Variants in CCNA1 observed in about 807,000 individuals in gnomAD.
CCNA1 encodes the protein cyclin-A1.
Under a neutral mutation model 54.1 loss-of-function variants are expected in CCNA1, and 23 were observed. The ratio of observed to expected loss-of-function variants is 0.42; its 90% CI spans 0.31 to 0.60. The LOEUF (loss-of-function observed/expected upper bound fraction) is 0.60. Ranked by LOEUF, CCNA1 falls within the 20% of genes least tolerant of loss-of-function variation. The pLI is 0.14. For missense variants in CCNA1, 450 were observed against 556.7 expected, an observed-to-expected ratio of 0.81 and a Z score of 1.93; for synonymous variants, 208 against 213.9, an observed-to-expected ratio of 0.97 and a Z score of 0.24.
intron 5 of CCNA1, 54 bp from the exon 6 acceptor site, chr13:36,439,916 TGGTAGCACA>T (rs2055854240): frequency 9.0e-7 from 1 of 1,114,644 alleles, no homozygotes; most frequent in Non-Finnish European, 1.3e-6. Flanking sequence ...GCGTGGCTTA[TGGTAGCACA>T]GGAGTAGAGC....
At chr13:36,439,885 CT>C (rs2055853784) in intron 5 of CCNA1, 93 bp from the exon 6 acceptor site, 1 of 741,434 alleles carries the variant, frequency 1.3e-6, no homozygotes. Flanking sequence ...CAAAGTAAGT[CT>C]GCAAGGGCCA....
chr13:36,433,746 G>A (rs570627562), intron 2 of CCNA1, among the ~76,000 whole-genome samples: 1 of 151,932 alleles, frequency 6.6e-6, no homozygotes, highest in Admixed American at 6.6e-5. Flanking sequence ...TCACCATGTT[G>A]GCCAGGCTGG....
chr13:36,431,815 C>G (rs2055710476), upstream of CCNA1: 1 of 152,666 alleles, frequency 6.6e-6, no homozygotes, highest in Admixed American at 6.5e-5. Flanking sequence ...GCCCTCGGGC[C>G]AGCGTGGGCA....
intron 2 of CCNA1, among the ~76,000 whole-genome samples, chr13:36,436,052 T>C (rs868559100): frequency 6.6e-6 from 1 of 152,346 alleles, no homozygotes; most frequent in Middle Eastern, 3.4e-3. Context: ...ATTACTTCCC[T>C]GGTTCAAATC....
chr13:36,434,800 G>A (rs2055779618), intron 2 of CCNA1, among the ~76,000 whole-genome samples: 1 of 148,716 alleles, frequency 6.7e-6, no homozygotes, highest in Non-Finnish European at 1.5e-5. Context: ...TTATGTGACT[G>A]CTATGTCCCT....
At chr13:36,440,403 C>T (rs981172524) in intron 6 of CCNA1, among the ~76,000 whole-genome samples, 1 of 152,076 alleles carries the variant, frequency 6.6e-6, no homozygotes, top group Admixed American at 6.6e-5. Flanking sequence ...GTCTAATCAC[C>T]CAACTATTTA....
At chr13:36,438,033 A>G (rs753405934) in intron 3 of CCNA1, 34 bp from the exon 4 acceptor site, 3 of 1,604,524 alleles carry the variant, frequency 1.9e-6, no homozygotes, top group African/African-American at 2.7e-5. Flanking sequence ...TGTTTAAATT[A>G]AATGAGTTAT....
upstream of CCNA1, chr13:36,432,434 TG>T (rs1366316083): frequency 2.8e-5 from 2 of 71,346 alleles, no homozygotes; most frequent in African/African-American, 2.2e-4. Context: ...TGCCCAACCC[TG>T]CCCCGCCCTG....
intron 2 of CCNA1, among the ~76,000 whole-genome samples, 154 bp downstream of exon 2, chr13:36,433,375 T>C (rs2055744713): frequency 1.4e-4 from 2 of 14,672 alleles, no homozygotes; most frequent in African/African-American, 8.2e-4. Flanking sequence ...ATTTATTTTC[T>C]TTCTTTCTTT....
intron 2 of CCNA1, 33 bp from the exon 3 acceptor site, chr13:36,437,596 T>C: frequency 1.2e-6 from 2 of 1,606,870 alleles, no homozygotes; most frequent in Non-Finnish European, 1.7e-6. Flanking sequence ...GTCTTTGACG[T>C]GGCCTCTAAC....
At chr13:36,438,576 G>T in intron 4 of CCNA1, 68 bp from the exon 5 acceptor site, 1 of 1,074,520 alleles carries the variant, frequency 9.3e-7, no homozygotes, top group South Asian at 1.4e-5. Flanking sequence ...TTTTTAAATA[G>T]CAACTATATT....
chr13:36,439,566 C>G lies in CCNA1; in HGVS notation c.894-413C>G, dbSNP rs1370004640. ...TAATTCAGTGGACAAAGTTGAACAG[C>G]ATCTTTTTAAAAACTAGAGGCCTGT... On this transcript the variant is annotated intron_variant, in intron 5 of 8. Transcript: ENST00000255465. Among the ~76,000 whole-genome samples the G allele has an allele frequency of 3.9e-5, 6 of 152,190 alleles. No homozygotes were observed. The East Asian group carries it at 1.2e-3, about 29-fold the overall frequency.
At chr13:36,434,443 A>G (rs1336387309) in intron 2 of CCNA1, among the ~76,000 whole-genome samples, 1 of 152,164 alleles carries the variant, frequency 6.6e-6, no homozygotes, top group Non-Finnish European at 1.5e-5. Flanking sequence ...GGTTTTAACA[A>G]ATTTTAATTT....
chr13:36,441,201 G>A lies in CCNA1; in HGVS notation c.1182G>A (p.Leu394=), dbSNP rs1227610617. 2 of 1,611,070 alleles carry A rather than the reference G, an allele frequency of 1.2e-6. No individual in the cohort carries two copies. Among genetic ancestry groups the A allele is most frequent in the South Asian group, 2.2e-5 (2 of 90,924 alleles). ...TGATAGCTGCAGCAGCTTTTTGCCT[G>A]GCAAACTATACTGTGAACAAGCACT... The change falls in exon 7 of 9, where the codon CTG becomes CTA. Residue 394 remains leucine, a synonymous_variant. Coordinates refer to ENST00000255465, the MANE Select transcript of CCNA1 (RefSeq NM_003914.4).
chr13:36,442,197 G>A lies in CCNA1; in HGVS notation c.1239G>A (p.Gly413=). Reference sequence around the variant, plus strand: ...CAGAAACCCTTGCTGCATTTACAGGGTATTCATTAAGTGAAATTGTGCCTT... The same window carrying A: ...CAGAAACCCTTGCTGCATTTACAGGATATTCATTAAGTGAAATTGTGCCTT... Residue 413 remains glycine, a synonymous_variant, in exon 8 of 9, where the codon GGG becomes GGA. Coordinates refer to ENST00000255465, the MANE Select transcript of CCNA1 (RefSeq NM_003914.4). The A allele has an allele frequency of 6.2e-6, 10 of 1,613,654 alleles. No individual in the cohort carries two copies. The highest frequency in any genetic ancestry group is 1.1e-5 in the South Asian group (1 of 91,040).
At chr13:36,436,556 G>C (rs1288379302) in intron 2 of CCNA1, among the ~76,000 whole-genome samples, 3 of 152,234 alleles carry the variant, frequency 2.0e-5, no homozygotes, top group South Asian at 2.1e-4. Flanking sequence ...TATGGACACA[G>C]TATCTATGTA....
intron 8 of CCNA1, 113 bp from the exon 9 acceptor site, chr13:36,442,501 C>A: frequency 8.6e-7 from 1 of 1,162,002 alleles, no homozygotes. Context: ...TTGTAGTCAG[C>A]CAGCTTCCTT....
intron 5 of CCNA1, among the ~76,000 whole-genome samples, 199 bp from the exon 6 acceptor site, chr13:36,439,780 A>G (rs545793328): frequency 6.6e-6 from 1 of 152,164 alleles, no homozygotes; most frequent in Non-Finnish European, 1.5e-5. Context: ...AATATAACCT[A>G]TCCTTGTGAT....
At chr13:36,435,744 G>A (rs997433171) in intron 2 of CCNA1, among the ~76,000 whole-genome samples, 4 of 152,256 alleles carry the variant, frequency 2.6e-5, no homozygotes, top group Middle Eastern at 3.4e-3. Flanking sequence ...TCTGGCCTGG[G>A]CCTCTGAGGT....
Sources: gnomAD v4.1 joint callset for allele counts (sites outside exome capture counted in the v4.1 genomes callset) on GRCh38, gnomAD v4.1.1 for gene constraint, MANE v1.5 for transcripts, NCBI Gene and HGNC (gene_info 2026-07-23, HGNC 2026-07-21) for gene names.